The following RANBP17 variants were observed in gnomAD, a reference collection of about 807,000 sequenced individuals.
RANBP17 encodes the protein ran-binding protein 17.
In RANBP17, 158 loss-of-function variants were observed where a neutral mutation model predicts 141.2. That is an observed-to-expected ratio of 1.12 (90% CI 0.98 to 1.28). The LOEUF (loss-of-function observed/expected upper bound fraction) is 1.28. RANBP17 is among the 50% of genes most tolerant of loss of function. The pLI is 0.00. For missense variants in RANBP17, 1,438 were observed against 1,290.7 expected (o/e 1.11, Z -1.75); for synonymous variants, 430 against 450.0 (o/e 0.96, Z 0.56).
At chr5:171,111,531 C>T (rs896673049) in intron 14 of RANBP17, among the ~76,000 whole-genome samples, 1 of 152,302 alleles carries the variant, frequency 6.6e-6, no homozygotes, top group East Asian at 1.9e-4. Context: ...AGTGCAGTCT[C>T]TCTGAAGTGT....
rs192219098 is a variant in RANBP17, at chr5:171,082,900, G to A, written c.1711-87230G>A. On this transcript the variant is annotated intron_variant, in intron 14 of 27. Transcript: ENST00000523189. ...ACCTCTTTAAAGAAAAAAAAAAAAGGAACAGCTGAATTTATTTACTTCTTG... is the reference window on the plus strand; with the variant it reads ...ACCTCTTTAAAGAAAAAAAAAAAAGAAACAGCTGAATTTATTTACTTCTTG... Among the ~76,000 whole-genome samples the A allele has an allele frequency of 1.8e-3, 268 of 150,058 alleles. 1 individual carries two copies. Among genetic ancestry groups the A allele is most frequent in the African/African-American group, 6.4e-3 (262 of 41,084 alleles).
Position 171,172,733 on chromosome 5 carries a change from A to C in RANBP17, c.1865+1447A>C, listed in dbSNP as rs558804127. On this transcript the variant is annotated intron_variant, in intron 16 of 27. Transcript: ENST00000523189. ...ATTTACCCTATTTTTTTAGGTTGAA[A>C]TTGATATTTAGTATAAAATTAATTT... Among the ~76,000 whole-genome samples the C allele has an allele frequency of 2.6e-5, 4 of 151,884 alleles. No individual in the cohort carries two copies. In the South Asian group the frequency reaches 8.3e-4, roughly 32 times the overall value.
At chr5:171,215,373 A>G (rs1214016229) in intron 21 of RANBP17, among the ~76,000 whole-genome samples, 3 of 152,162 alleles carry the variant, frequency 2.0e-5, no homozygotes, top group African/African-American at 4.8e-5. Flanking sequence ...ATACATGTGC[A>G]TGTATGTTTA....
In RANBP17 at chr5:170,889,087, C is replaced by T. The variant is rs567433335; in HGVS notation, c.257-3300C>T. Among the ~76,000 whole-genome samples, 22 of 149,622 alleles carry T rather than the reference C, an allele frequency of 1.5e-4. No individual in the cohort carries two copies. The South Asian group carries it at 2.1e-3, about 14-fold the overall frequency. ...TTTTTTTTTGTAGTTTCTTTTTGTT[C>T]CATGTTCTCTTTCTCTCCTTGCTTT... On this transcript the variant is annotated intron_variant, in intron 3 of 27. Transcript: ENST00000523189.
intron 5 of RANBP17, among the ~76,000 whole-genome samples, chr5:170,901,408 A>G (rs905160569): frequency 8.6e-5 from 13 of 151,760 alleles, no homozygotes; most frequent in Admixed American, 2.6e-4. Context: ...TGTGTAGGCT[A>G]TTTACAAAGG....
At chr5:171,031,368 G>A (rs576797721) in intron 14 of RANBP17, among the ~76,000 whole-genome samples, 60 of 151,964 alleles carry the variant, frequency 3.9e-4, no homozygotes, top group African/African-American at 1.3e-3. Flanking sequence ...TGTGACTTTC[G>A]GACTATTCTA....
At chr5:171,088,350 T>A (rs1005289012) in intron 14 of RANBP17, among the ~76,000 whole-genome samples, 1 of 152,198 alleles carries the variant, frequency 6.6e-6, no homozygotes, top group African/African-American at 2.4e-5. Flanking sequence ...TTTGGTGGGC[T>A]TCCCTTTGTA....
chr5:171,267,057 C>T (rs1169284569), intron 25 of RANBP17, among the ~76,000 whole-genome samples: 5 of 103,396 alleles, frequency 4.8e-5, no homozygotes, highest in Non-Finnish European at 3.5e-5. Context: ...GAGACAGGGT[C>T]TCACTCTGTT....
intron 12 of RANBP17, among the ~76,000 whole-genome samples, chr5:170,951,283 C>A (rs140548000): frequency 5.4e-4 from 82 of 151,940 alleles, no homozygotes; most frequent in Non-Finnish European, 1.1e-3. Context: ...TGCCAAATAC[C>A]CTGACATGAT....
chr5:171,256,911 A>G (rs1364645143), intron 24 of RANBP17, among the ~76,000 whole-genome samples: 1 of 152,076 alleles, frequency 6.6e-6, no homozygotes, highest in Non-Finnish European at 1.5e-5. Flanking sequence ...CAAATCAGTA[A>G]TTTAAAAAAA....
intron 18 of RANBP17, 28 bp from the exon 19 acceptor site, chr5:171,199,642 C>T (rs1400085172): frequency 2.9e-6 from 4 of 1,381,176 alleles, no homozygotes; most frequent in Admixed American, 1.8e-5. Flanking sequence ...CATTTTAAAC[C>T]GTAGTGACCC....
At chr5:170,903,366 G>C (rs981281838) in intron 5 of RANBP17, among the ~76,000 whole-genome samples, 1 of 152,200 alleles carries the variant, frequency 6.6e-6, no homozygotes, top group East Asian at 1.9e-4. Flanking sequence ...GTTGACTTCA[G>C]ACTGCTGTGC....
At chr5:171,020,326 A>T (rs890455286) in intron 14 of RANBP17, among the ~76,000 whole-genome samples, 2 of 151,938 alleles carry the variant, frequency 1.3e-5, no homozygotes, top group African/African-American at 2.4e-5. Flanking sequence ...TATCCCTGTT[A>T]ATTTTCTGTC....
intron 16 of RANBP17, among the ~76,000 whole-genome samples, chr5:171,179,440 T>C (rs2127909926): frequency 6.6e-6 from 1 of 152,230 alleles, no homozygotes; most frequent in Admixed American, 6.5e-5. Flanking sequence ...TAAACTTACA[T>C]TTCAGTTACT....
At chr5:171,138,491 T>C (rs1419486122) in intron 14 of RANBP17, among the ~76,000 whole-genome samples, 2 of 151,124 alleles carry the variant, frequency 1.3e-5, no homozygotes. Context: ...TCTTGCAGGC[T>C]CTTTTATCAC....
intron 23 of RANBP17, 65 bp downstream of exon 23, chr5:171,241,207 A>G (rs908926581): frequency 4.8e-5 from 58 of 1,212,602 alleles, no homozygotes; most frequent in Non-Finnish European, 6.5e-5. Context: ...ACAGGCCTGG[A>G]AGTGTTATAA....
intron 5 of RANBP17, among the ~76,000 whole-genome samples, chr5:170,906,998 G>A (rs746695091): frequency 6.6e-6 from 1 of 151,948 alleles, no homozygotes; most frequent in African/African-American, 2.4e-5. Flanking sequence ...GTTTCAACTA[G>A]CATTTATTAA....
chr5:171,231,726 G>A (rs1362488028), intron 22 of RANBP17, among the ~76,000 whole-genome samples: 5 of 151,148 alleles, frequency 3.3e-5, no homozygotes, highest in Admixed American at 6.6e-5. Context: ...TTTCTTTTTC[G>A]GTTACTTGGT....
At chr5:170,945,942 CT>C (rs1174679504) in intron 12 of RANBP17, among the ~76,000 whole-genome samples, 1 of 152,086 alleles carries the variant, frequency 6.6e-6, no homozygotes, top group African/African-American at 2.4e-5. Context: ...GTGTTAAACG[CT>C]TAAGAGATTG....
Sources: gnomAD v4.1 joint callset for allele counts (sites outside exome capture counted in the v4.1 genomes callset) on GRCh38, gnomAD v4.1.1 for gene constraint, MANE v1.5 for transcripts, NCBI Gene and HGNC (gene_info 2026-07-23, HGNC 2026-07-21) for gene names.